The following ASIC2 variants were observed in gnomAD, a reference collection of about 807,000 sequenced individuals.
ASIC2 encodes acid sensing ion channel subunit 2, also known as acid-sensing ion channel 2.
Under a neutral mutation model 57.3 loss-of-function variants are expected in ASIC2, and 25 were observed. That is an observed-to-expected ratio of 0.44 (90% CI 0.32 to 0.61). The LOEUF (loss-of-function observed/expected upper bound fraction) is 0.61. Among genes scored for constraint, ASIC2 ranks in the 20% least tolerant of loss-of-function variants. The pLI, the probability that ASIC2 is intolerant of heterozygous loss-of-function variation, is 0.06. For synonymous variants in ASIC2, 319 were observed against 307.5 expected (o/e 1.04, Z -0.39); for missense variants, 641 against 738.1 (o/e 0.87, Z 1.52).
intron 1 of ASIC2, among the ~76,000 whole-genome samples, chr17:33,832,356 T>C (rs1013059330): frequency 1.3e-5 from 2 of 152,214 alleles, no homozygotes; most frequent in Admixed American, 1.3e-4. Context: ...GCATTCATAG[T>C]AACAGGGCAC....
At chr17:33,277,206 G>A (rs2142164069) in intron 1 of ASIC2, among the ~76,000 whole-genome samples, 1 of 152,322 alleles carries the variant, frequency 6.6e-6, no homozygotes, top group Middle Eastern at 3.4e-3. Flanking sequence ...CTGTGACCAG[G>A]TTTCACAGTG....
At chr17:33,175,775 CG>C (rs1905731838) in intron 1 of ASIC2, among the ~76,000 whole-genome samples, 1 of 152,154 alleles carries the variant, frequency 6.6e-6, no homozygotes, top group Non-Finnish European at 1.5e-5. Flanking sequence ...ATCTCTTCCC[CG>C]GGAGGCTCCA....
intron 3 of ASIC2, among the ~76,000 whole-genome samples, chr17:33,038,069 G>A (rs528902511): frequency 1.6e-4 from 25 of 152,096 alleles, no homozygotes; most frequent in Non-Finnish European, 2.8e-4. Context: ...GCAGAACCTC[G>A]AACTCCTCTC....
chr17:33,331,806 G>A (rs1567825400), intron 1 of ASIC2, among the ~76,000 whole-genome samples: 1 of 152,162 alleles, frequency 6.6e-6, no homozygotes, highest in East Asian at 1.9e-4. Flanking sequence ...GAAAATGAAG[G>A]TTTAGGAAAG....
chr17:33,098,580 G>A (rs2092194330), intron 2 of ASIC2, among the ~76,000 whole-genome samples: 1 of 152,176 alleles, frequency 6.6e-6, no homozygotes, highest in Non-Finnish European at 1.5e-5. Context: ...CCAATGGCTG[G>A]TGATCCAGGA....
chr17:33,878,985 G>A (rs1255400865), intron 1 of ASIC2, among the ~76,000 whole-genome samples: 2 of 152,120 alleles, frequency 1.3e-5, no homozygotes, highest in Non-Finnish European at 2.9e-5. Flanking sequence ...TTTCAACCCA[G>A]AATTTCATAT....
At chr17:33,214,078 T>G (rs1256676826) in intron 1 of ASIC2, among the ~76,000 whole-genome samples, 1 of 152,118 alleles carries the variant, frequency 6.6e-6, no homozygotes, top group East Asian at 1.9e-4. Context: ...CTTGTCCATC[T>G]CTCGTGCCCA....
chr17:33,510,399 C>A lies in ASIC2; in HGVS notation c.556-398332G>T, dbSNP rs182988705. On this transcript the variant is annotated intron_variant, in intron 1 of 9. Transcript: ENST00000359872. Reference sequence around the variant, plus strand: ...TGGCATGGTGGCTCATGCCTGTAATCCCAGCACTTGGGGATGCTAAGGGTG... The same window carrying A: ...TGGCATGGTGGCTCATGCCTGTAATACCAGCACTTGGGGATGCTAAGGGTG... 2.0e-5 allele frequency among the ~76,000 whole-genome samples: 3 copies of A among 152,098 alleles called. 1 individual carries two copies. In the South Asian group the frequency reaches 6.2e-4, roughly 32 times the overall value.
chr17:33,700,037 T>C (rs1261108153), intron 1 of ASIC2, among the ~76,000 whole-genome samples: 1 of 152,198 alleles, frequency 6.6e-6, no homozygotes. Flanking sequence ...CCTAATATTT[T>C]GGCTACCCTG....
At chr17:33,461,517 G>C (rs1459441445) in intron 1 of ASIC2, among the ~76,000 whole-genome samples, 1 of 152,182 alleles carries the variant, frequency 6.6e-6, no homozygotes, top group Non-Finnish European at 1.5e-5. Flanking sequence ...ATGGTGGAAA[G>C]ATTTGAGATG....
At chr17:33,045,225 G>C (rs192059143) in intron 3 of ASIC2, among the ~76,000 whole-genome samples, 59 of 152,264 alleles carry the variant, frequency 3.9e-4, no homozygotes, top group African/African-American at 1.4e-3. Context: ...GGTATCACTA[G>C]CAGGTCTCGC....
At chr17:33,765,410 G>A (rs1282623572) in intron 1 of ASIC2, among the ~76,000 whole-genome samples, 6 of 152,142 alleles carry the variant, frequency 3.9e-5, no homozygotes, top group Non-Finnish European at 8.8e-5. Flanking sequence ...GCCCGGCGAT[G>A]GAGCATAATT....
chr17:33,169,005 A>T (rs1905406967), intron 1 of ASIC2, among the ~76,000 whole-genome samples: 1 of 152,196 alleles, frequency 6.6e-6, no homozygotes, highest in South Asian at 2.1e-4. Flanking sequence ...CTGTCCCATC[A>T]CAGGCCCAGA....
chr17:33,988,149 T>C (rs1362906132), intron 1 of ASIC2, among the ~76,000 whole-genome samples: 2 of 152,170 alleles, frequency 1.3e-5, no homozygotes, highest in Non-Finnish European at 2.9e-5. Flanking sequence ...TTTAGAAATA[T>C]AATAGTGTAA....
chr17:33,989,186 G>A (rs1905924021), intron 1 of ASIC2, among the ~76,000 whole-genome samples: 1 of 152,118 alleles, frequency 6.6e-6, no homozygotes, highest in South Asian at 2.1e-4. Flanking sequence ...GGGTAAAGGA[G>A]TAGGAATGAT....
chr17:33,890,919 A>AC (rs11370736), intron 1 of ASIC2, among the ~76,000 whole-genome samples: 135,944 of 152,156 alleles, frequency 0.89, 60,958 homozygotes, highest in African/African-American at 0.97. Flanking sequence ...CTTGGTAAGC[A>AC]GCAGACACTC....
intron 1 of ASIC2, among the ~76,000 whole-genome samples, chr17:33,167,730 C>G (rs1482735474): frequency 6.6e-6 from 1 of 152,206 alleles, no homozygotes. Flanking sequence ...ACTAGATGAT[C>G]TGCTATTTCC....
At chr17:33,177,017 G>T (rs569816665) in intron 1 of ASIC2, among the ~76,000 whole-genome samples, 26 of 152,314 alleles carry the variant, frequency 1.7e-4, no homozygotes, top group African/African-American at 6.3e-4. Flanking sequence ...TCCAAGGCAT[G>T]GGTGGCTGGG....
intron 1 of ASIC2, among the ~76,000 whole-genome samples, chr17:34,085,073 A>G (rs1217004133): frequency 2.6e-5 from 4 of 152,072 alleles, no homozygotes; most frequent in African/African-American, 9.7e-5. Flanking sequence ...TTCCAACACT[A>G]TGTTGGATAG....
Sources: gnomAD v4.1 joint callset for allele counts (sites outside exome capture counted in the v4.1 genomes callset) on GRCh38, gnomAD v4.1.1 for gene constraint, MANE v1.5 for transcripts, NCBI Gene and HGNC (gene_info 2026-07-23, HGNC 2026-07-21) for gene names.